The following SLC25A21 variants were observed in gnomAD, a reference collection of about 807,000 sequenced individuals.
SLC25A21 encodes mitochondrial 2-oxodicarboxylate carrier.
A neutral mutation model predicts 43.8 loss-of-function variants in SLC25A21; 47 were observed. That is an observed-to-expected ratio of 1.07 (90% CI 0.85 to 1.37). The LOEUF (loss-of-function observed/expected upper bound fraction) is 1.37. Ranked by LOEUF, SLC25A21 falls within the 40% of genes most tolerant of loss-of-function variation. The pLI, the probability that SLC25A21 is intolerant of heterozygous loss-of-function variation, is 0.00. For synonymous variants in SLC25A21, 131 were observed against 121.3 expected, an observed-to-expected ratio of 1.08 and a Z score of -0.52; for missense variants, 352 against 350.2, an observed-to-expected ratio of 1.00 and a Z score of -0.04.
At chr14:36,978,958 C>CGCA (rs1198797416) in intron 1 of SLC25A21, among the ~76,000 whole-genome samples, 1 of 152,134 alleles carries the variant, frequency 6.6e-6, no homozygotes, top group Non-Finnish European at 1.5e-5. Flanking sequence ...CGTGCTGCCA[C>CGCA]GCACCTGCAA....
At chr14:36,904,152 G>A (rs551662457) in intron 1 of SLC25A21, among the ~76,000 whole-genome samples, 22 of 152,306 alleles carry the variant, frequency 1.4e-4, no homozygotes, top group Admixed American at 5.9e-4. Flanking sequence ...CAGGTGATGC[G>A]ATTGAGGGGG....
At chr14:37,092,682 G>A (rs931968303) in intron 1 of SLC25A21, among the ~76,000 whole-genome samples, 3 of 152,086 alleles carry the variant, frequency 2.0e-5, no homozygotes, top group Non-Finnish European at 2.9e-5. Flanking sequence ...GATGGTGCAG[G>A]CACTATGGAA....
chr14:37,142,470 C>T (rs567689028), intron 1 of SLC25A21, among the ~76,000 whole-genome samples: 69 of 152,214 alleles, frequency 4.5e-4, no homozygotes, highest in Non-Finnish European at 7.2e-4. Flanking sequence ...AAGCGATTCC[C>T]GTACCTCAGC....
intron 3 of SLC25A21, among the ~76,000 whole-genome samples, chr14:36,784,480 G>C (rs1887180166): frequency 6.6e-6 from 1 of 152,128 alleles, no homozygotes; most frequent in South Asian, 2.1e-4. Context: ...CTTTTCTAGA[G>C]CTGACCTCAC....
intron 1 of SLC25A21, among the ~76,000 whole-genome samples, chr14:36,912,639 A>G (rs913426247): frequency 6.6e-6 from 1 of 152,252 alleles, no homozygotes; most frequent in Non-Finnish European, 1.5e-5. Context: ...GAGTTTATAC[A>G]CAAACATAAA....
intron 2 of SLC25A21, among the ~76,000 whole-genome samples, chr14:36,821,332 C>A (rs750012000): frequency 6.6e-6 from 1 of 151,756 alleles, no homozygotes; most frequent in Non-Finnish European, 1.5e-5. Context: ...GGAAAGATGA[C>A]ACTGCTGGTT....
chr14:36,680,843 G>C (rs921635258), intron 9 of SLC25A21, 124 bp from the exon 10 acceptor site: 1 of 661,434 alleles, frequency 1.5e-6, no homozygotes, highest in Non-Finnish European at 2.4e-6. Context: ...GGAATCAACA[G>C]TTCTGGAGCT....
chr14:37,044,939 TTC>T (rs1471443477), intron 1 of SLC25A21, among the ~76,000 whole-genome samples: 2 of 152,236 alleles, frequency 1.3e-5, no homozygotes, highest in South Asian at 2.1e-4. Flanking sequence ...AAGAAATCTT[TTC>T]TCTTTTCAAA....
chr14:36,859,363 T>C (rs928691969), intron 2 of SLC25A21, among the ~76,000 whole-genome samples: 1 of 152,196 alleles, frequency 6.6e-6, no homozygotes, highest in African/African-American at 2.4e-5. Flanking sequence ...GTTGTGCAAG[T>C]AAAAATAAGA....
At chr14:36,899,401 G>A (rs949917583) in intron 1 of SLC25A21, among the ~76,000 whole-genome samples, 7 of 152,174 alleles carry the variant, frequency 4.6e-5, no homozygotes, top group Admixed American at 4.6e-4. Flanking sequence ...ACAAAATAGG[G>A]TTTCAACCTA....
At chr14:36,964,049 T>C (rs1477246293) in intron 1 of SLC25A21, among the ~76,000 whole-genome samples, 1 of 152,200 alleles carries the variant, frequency 6.6e-6, no homozygotes, top group East Asian at 1.9e-4. Flanking sequence ...TCTGAATCCA[T>C]GAAAAACCAA....
At chr14:37,037,391 T>A (rs1467494) in intron 1 of SLC25A21, among the ~76,000 whole-genome samples, 71,231 of 151,870 alleles carry the variant, frequency 0.47, 19,104 homozygotes, top group African/African-American at 0.75. Context: ...TCAGTCTTTT[T>A]AAAAAAGCAT....
chr14:37,131,780 C>T (rs1344575206), intron 1 of SLC25A21, among the ~76,000 whole-genome samples: 1 of 152,090 alleles, frequency 6.6e-6, no homozygotes, highest in Non-Finnish European at 1.5e-5. Context: ...CTCAAGCAAT[C>T]CTCCTGTCTC....
At chr14:36,993,265 G>GT (rs762797173) in intron 1 of SLC25A21, among the ~76,000 whole-genome samples, 12 of 152,134 alleles carry the variant, frequency 7.9e-5, no homozygotes, top group Non-Finnish European at 1.8e-4. Context: ...CATGAGTGGT[G>GT]TCATTGGAGA....
At chr14:36,684,627 T>A in intron 8 of SLC25A21, 117 bp downstream of exon 8, 1 of 918,332 alleles carries the variant, frequency 1.1e-6, no homozygotes, top group Non-Finnish European at 1.6e-6. Context: ...TCGCAGTTTC[T>A]TAGACACAAG....
At chr14:37,122,368 C>T (rs1425872460) in intron 1 of SLC25A21, among the ~76,000 whole-genome samples, 1 of 152,200 alleles carries the variant, frequency 6.6e-6, no homozygotes, top group Non-Finnish European at 1.5e-5. Context: ...TGTGGCTTAA[C>T]AGTAGCACAT....
intron 3 of SLC25A21, among the ~76,000 whole-genome samples, chr14:36,811,792 G>T (rs1202075157): frequency 6.6e-6 from 1 of 152,106 alleles, no homozygotes; most frequent in Non-Finnish European, 1.5e-5. Flanking sequence ...ATACCACACT[G>T]CACATTAAAA....
At chr14:37,119,316 A>G (rs939433638) in intron 1 of SLC25A21, among the ~76,000 whole-genome samples, 2 of 152,176 alleles carry the variant, frequency 1.3e-5, no homozygotes, top group African/African-American at 4.8e-5. Flanking sequence ...TGGGAAGCTG[A>G]GGCAGGTGGA....
chr14:37,155,792 A>G (rs1456583210), intron 1 of SLC25A21, among the ~76,000 whole-genome samples: 1 of 152,222 alleles, frequency 6.6e-6, no homozygotes, highest in Non-Finnish European at 1.5e-5. Context: ...TTACCATTAG[A>G]TTGGACCTAG....
Sources: allele counts gnomAD v4.1 joint callset (sites outside exome capture counted in the v4.1 genomes callset), GRCh38; gene constraint gnomAD v4.1.1; transcripts MANE v1.5; gene names NCBI Gene and HGNC (gene_info 2026-07-23, HGNC 2026-07-21).